Variants in NOX4 observed in about 807,000 individuals in gnomAD.
NOX4 encodes kidney oxidase-1.
A neutral mutation model predicts 87.6 loss-of-function variants in NOX4; 69 were observed. The ratio of observed to expected loss-of-function variants is 0.79; its 90% CI spans 0.65 to 0.96. NOX4 has a LOEUF of 0.96. Among genes scored for constraint, NOX4 ranks in the 40% least tolerant of loss-of-function variants. NOX4 has a pLI of 0.00. For synonymous variants in NOX4, 275 were observed against 238.2 expected, an observed-to-expected ratio of 1.15 and a Z score of -1.42; for missense variants, 680 against 681.5, an observed-to-expected ratio of 1.00 and a Z score of 0.02.
At chr11:89,540,958 TAAC>T in the NOX4 span, among the ~76,000 whole-genome samples, 1 of 151,860 alleles carries the variant, frequency 6.6e-6, no homozygotes, top group Non-Finnish European at 1.5e-5. Context: ...AAGACACTAA[TAAC>T]AGCCTTTTAC....
chr11:89,507,508 C>T, the NOX4 span, among the ~76,000 whole-genome samples: 616 of 151,350 alleles, frequency 4.1e-3, 4 homozygotes, highest in African/African-American at 0.014. Flanking sequence ...CACAGACTTA[C>T]ATAATATATA....
intron 12 of NOX4, among the ~76,000 whole-genome samples, chr11:89,357,553 AT>A (rs1336991685): frequency 6.6e-6 from 1 of 151,988 alleles, no homozygotes; most frequent in Non-Finnish European, 1.5e-5. Flanking sequence ...TATCTTTTCA[AT>A]TTTTTTCCCA....
At chr11:89,382,586 T>C (rs765990269) in intron 11 of NOX4, among the ~76,000 whole-genome samples, 3 of 151,950 alleles carry the variant, frequency 2.0e-5, no homozygotes, top group Non-Finnish European at 4.4e-5. Flanking sequence ...GCTGAGTCTT[T>C]TCAATCTTCC....
chr11:89,436,697 T>C (rs1452720944), intron 6 of NOX4, among the ~76,000 whole-genome samples: 1 of 152,166 alleles, frequency 6.6e-6, no homozygotes, highest in Non-Finnish European at 1.5e-5. Flanking sequence ...CTAACATAAT[T>C]GGAAACATAA....
At chr11:89,469,546 T>C (rs1382853987) in intron 2 of NOX4, among the ~76,000 whole-genome samples, 2 of 152,184 alleles carry the variant, frequency 1.3e-5, no homozygotes, top group East Asian at 3.9e-4. Flanking sequence ...AAAAAATCTG[T>C]AGTTCTTTCA....
chr11:89,332,417 C>G (rs1945512450), intron 17 of NOX4, among the ~76,000 whole-genome samples: 1 of 151,824 alleles, frequency 6.6e-6, no homozygotes, highest in Non-Finnish European at 1.5e-5. Flanking sequence ...AACTTCACAG[C>G]TCAAAACAGG....
intron 12 of NOX4, among the ~76,000 whole-genome samples, chr11:89,362,740 A>G (rs1485361251): frequency 6.6e-6 from 1 of 151,994 alleles, no homozygotes; most frequent in African/African-American, 2.4e-5. Flanking sequence ...TACTCCCCAT[A>G]TTATAGATCT....
the NOX4 span, among the ~76,000 whole-genome samples, chr11:89,561,088 C>CATATATATATATATATATATATA: frequency 2.3e-5 from 1 of 42,878 alleles, no homozygotes; most frequent in Non-Finnish European, 4.4e-5. Flanking sequence ...TATATATATC[C>CATATATATATATATATATATATA]TATCAGTTCT....
intron 7 of NOX4, among the ~76,000 whole-genome samples, chr11:89,427,242 C>A (rs1327812589): frequency 6.6e-6 from 1 of 151,970 alleles, no homozygotes; most frequent in Non-Finnish European, 1.5e-5. Context: ...CATCAAAGAC[C>A]AAAGACAGAT....
At chr11:89,437,163 C>G (rs1009294770) in intron 6 of NOX4, among the ~76,000 whole-genome samples, 3 of 151,804 alleles carry the variant, frequency 2.0e-5, no homozygotes, top group African/African-American at 7.3e-5. Flanking sequence ...GAGTTCAAGA[C>G]CAGCCTGGCC....
chr11:89,587,488 TGCGTTC>T, the NOX4 span, among the ~76,000 whole-genome samples: 2 of 67,664 alleles, frequency 3.0e-5, no homozygotes, highest in African/African-American at 1.3e-4. Context: ...GGGAAAGGAT[TGCGTTC>T]CAGATGAACG....
the NOX4 span, among the ~76,000 whole-genome samples, chr11:89,550,814 G>A: frequency 1.7e-4 from 26 of 152,138 alleles, no homozygotes; most frequent in African/African-American, 6.3e-4. Context: ...CCATTTGTCA[G>A]TTTTGGCTTT....
chr11:89,496,936 A>C (rs1379905494), upstream of NOX4, among the ~76,000 whole-genome samples: 1 of 152,216 alleles, frequency 6.6e-6, no homozygotes, highest in East Asian at 1.9e-4. Flanking sequence ...TATGCACAGT[A>C]ACTAACTTGA....
the NOX4 span, among the ~76,000 whole-genome samples, chr11:89,560,988 C>CTATATA: frequency 1.3e-5 from 1 of 75,612 alleles, no homozygotes; most frequent in Admixed American, 1.5e-4. Flanking sequence ...CTCTCTCTCT[C>CTATATA]TCTCTCTCTA....
At chr11:89,514,662 G>A in the NOX4 span, among the ~76,000 whole-genome samples, 2 of 151,738 alleles carry the variant, frequency 1.3e-5, no homozygotes, top group Admixed American at 6.6e-5. Context: ...TTGTTTGTTT[G>A]TTTGTTTGTT....
intron 11 of NOX4, among the ~76,000 whole-genome samples, chr11:89,398,411 C>T (rs1219665570): frequency 6.6e-6 from 1 of 151,946 alleles, no homozygotes; most frequent in Non-Finnish European, 1.5e-5. Flanking sequence ...TGGCACAAGA[C>T]AGTGATGCCC....
At chr11:89,378,046 C>T (rs1014874090) in intron 11 of NOX4, among the ~76,000 whole-genome samples, 2 of 152,192 alleles carry the variant, frequency 1.3e-5, no homozygotes, top group African/African-American at 4.8e-5. Context: ...AGCATTCAAT[C>T]ACCTTTCATT....
chr11:89,534,691 C>T, the NOX4 span, among the ~76,000 whole-genome samples: 8 of 152,154 alleles, frequency 5.3e-5, no homozygotes, highest in Admixed American at 1.3e-4. Flanking sequence ...AGAGTTCTGC[C>T]AGATTCTCCT....
At chr11:89,335,205 A>G (rs978425897) in intron 17 of NOX4, among the ~76,000 whole-genome samples, 1 of 151,802 alleles carries the variant, frequency 6.6e-6, no homozygotes, top group African/African-American at 2.4e-5. Flanking sequence ...AGTGCTCTGC[A>G]CTATGATAAA....
Sources: allele counts gnomAD v4.1 joint callset (sites outside exome capture counted in the v4.1 genomes callset), GRCh38; gene constraint gnomAD v4.1.1; transcripts MANE v1.5; gene names NCBI Gene and HGNC (gene_info 2026-07-23, HGNC 2026-07-21).